Variants in RAB11FIP4 observed in about 807,000 individuals in gnomAD.
The protein encoded by RAB11FIP4 is RAB11 family interacting protein 4.
A neutral mutation model predicts 74.3 loss-of-function variants in RAB11FIP4; 23 were observed. That is an observed-to-expected ratio of 0.31 (90% CI 0.22 to 0.44). The LOEUF is 0.44. RAB11FIP4 is among the 20% of genes least tolerant of loss of function. The pLI is 1.00. For missense variants in RAB11FIP4, 630 were observed against 863.9 expected (o/e 0.73, Z 3.39); for synonymous variants, 360 against 359.9 (o/e 1.00, Z 0.00).
At chr17:31,424,730 C>T (rs2071231964) in intron 1 of RAB11FIP4, among the ~76,000 whole-genome samples, 1 of 152,086 alleles carries the variant, frequency 6.6e-6, no homozygotes, top group Non-Finnish European at 1.5e-5. Flanking sequence ...TGTACACCAC[C>T]ACACCCTGCC....
intron 2 of RAB11FIP4, 37 bp from the exon 3 acceptor site, chr17:31,433,997 A>G (rs1440623975): frequency 1.3e-6 from 2 of 1,545,602 alleles, no homozygotes; most frequent in Admixed American, 1.9e-5. Flanking sequence ...CTGAGGCTCA[A>G]CCCCTCACTG....
intron 3 of RAB11FIP4, among the ~76,000 whole-genome samples, chr17:31,465,314 A>T (rs2071673858): frequency 6.6e-6 from 1 of 151,980 alleles, no homozygotes; most frequent in Non-Finnish European, 1.5e-5. Context: ...GGCCCCATTG[A>T]CTAGCCCAGG....
intron 1 of RAB11FIP4, among the ~76,000 whole-genome samples, chr17:31,398,332 A>T (rs2070950566): frequency 6.6e-6 from 1 of 152,316 alleles, no homozygotes; most frequent in South Asian, 2.1e-4. Flanking sequence ...GAGCCACCAC[A>T]GCTGGCCTGT....
chr17:31,426,782 A>G (rs1448673009), intron 1 of RAB11FIP4, among the ~76,000 whole-genome samples: 1 of 151,494 alleles, frequency 6.6e-6, no homozygotes, highest in Admixed American at 6.6e-5. Context: ...TTGTATTTTT[A>G]GTAGAGACGG....
At chr17:31,427,922 C>T (rs2071269410) in intron 1 of RAB11FIP4, among the ~76,000 whole-genome samples, 1 of 152,152 alleles carries the variant, frequency 6.6e-6, no homozygotes, top group Non-Finnish European at 1.5e-5. Context: ...GGGGAGGGGG[C>T]AGCTGCAATG....
At chr17:31,423,211 G>T in intron 1 of RAB11FIP4, among the ~76,000 whole-genome samples, 1 of 152,096 alleles carries the variant, frequency 6.6e-6, no homozygotes, top group East Asian at 1.9e-4. Context: ...GAGCCACCGC[G>T]CCCAGCCTTT....
At chr17:31,422,735 T>C (rs2071211605) in intron 1 of RAB11FIP4, among the ~76,000 whole-genome samples, 1 of 152,188 alleles carries the variant, frequency 6.6e-6, no homozygotes, top group Non-Finnish European at 1.5e-5. Flanking sequence ...AGTTCTAAAA[T>C]TTCCATTTGG....
chr17:31,505,633 A>AATACATAATTATTATAATAG (rs2072329068), intron 3 of RAB11FIP4, among the ~76,000 whole-genome samples: 1 of 70,806 alleles, frequency 1.4e-5, no homozygotes, highest in African/African-American at 4.7e-5. Flanking sequence ...ATAATTATAT[A>AATACATAATTATTATAATAG]ATAATAATTA....
At chr17:31,466,037 G>T (rs576245045) in intron 3 of RAB11FIP4, among the ~76,000 whole-genome samples, 76 of 151,742 alleles carry the variant, frequency 5.0e-4, no homozygotes, top group Non-Finnish European at 9.6e-4. Context: ...CCAGCTACTC[G>T]GGAGGGCGAG....
At chr17:31,531,382 T>C (rs781656755) in intron 14 of RAB11FIP4, among the ~76,000 whole-genome samples, 2 of 152,136 alleles carry the variant, frequency 1.3e-5, no homozygotes, top group Non-Finnish European at 2.9e-5. Context: ...ACTGATCACA[T>C]TGGAATCTCT....
At chr17:31,527,753 A>G (rs550074586) in intron 10 of RAB11FIP4, 89 bp from the exon 11 acceptor site, 18 of 891,588 alleles carry the variant, frequency 2.0e-5, no homozygotes, top group Middle Eastern at 2.2e-4. Flanking sequence ...TTCCTCTGGG[A>G]GGAAGCAGAG....
intron 3 of RAB11FIP4, among the ~76,000 whole-genome samples, chr17:31,501,564 T>C (rs2142770206): frequency 6.6e-6 from 1 of 152,302 alleles, no homozygotes; most frequent in South Asian, 2.1e-4. Context: ...AGTCTGGCTC[T>C]GTTGCCCAGG....
chr17:31,458,573 G>A (rs959491536), intron 3 of RAB11FIP4, among the ~76,000 whole-genome samples: 12 of 152,160 alleles, frequency 7.9e-5, no homozygotes, highest in Non-Finnish European at 1.8e-4. Flanking sequence ...TCTCAGAATG[G>A]GCCTTCTCTG....
chr17:31,397,111 C>T (rs945137534), intron 1 of RAB11FIP4, among the ~76,000 whole-genome samples: 2 of 152,158 alleles, frequency 1.3e-5, no homozygotes, highest in African/African-American at 2.4e-5. Flanking sequence ...ACAGGAGCAC[C>T]TGGAACTAAA....
chr17:31,402,904 C>T (rs183360808), intron 1 of RAB11FIP4, among the ~76,000 whole-genome samples: 2,793 of 152,090 alleles, frequency 0.018, 86 homozygotes, highest in African/African-American at 0.064. Context: ...GGATTACAGG[C>T]GTGAGCCACC....
At chr17:31,483,801 A>C (rs552149369) in intron 3 of RAB11FIP4, among the ~76,000 whole-genome samples, 9 of 151,218 alleles carry the variant, frequency 6.0e-5, no homozygotes, top group Admixed American at 1.3e-4. Flanking sequence ...TCATGAAACC[A>C]TATATATATA....
intron 3 of RAB11FIP4, among the ~76,000 whole-genome samples, chr17:31,440,478 A>G (rs2071397471): frequency 6.6e-6 from 1 of 152,160 alleles, no homozygotes; most frequent in Admixed American, 6.5e-5. Context: ...TTGTTTCTTT[A>G]ACCTTTAAGG....
intron 3 of RAB11FIP4, among the ~76,000 whole-genome samples, chr17:31,484,072 T>C (rs1330718716): frequency 2.1e-4 from 3 of 14,252 alleles, no homozygotes; most frequent in African/African-American, 1.9e-3. Flanking sequence ...AGATCTTATC[T>C]TTTTTTTTTT....
chr17:31,536,891 G>C lies in RAB11FIP4; in HGVS notation c.*5159G>C, dbSNP rs944880148. ...CCCTGGGGAAGTATAATGTCACCAT[G>C]CTCACCAGGCGAGGTTTCCCATATG... is the stretch of plus-strand genomic sequence containing the variant. On this transcript the variant is annotated 3_prime_UTR_variant, in exon 15 of 15. Coordinates refer to ENST00000621161, the MANE Select transcript of RAB11FIP4 (RefSeq NM_032932.6). The C allele has an allele frequency of 5.0e-6, 2 of 398,144 alleles. No homozygotes were observed. The highest frequency in any genetic ancestry group is 4.1e-5 in the African/African-American group (2 of 48,604). The allele number at this position is 398,144 out of a possible 1,614,324, so 24.7% of individuals were successfully genotyped here.
Sources: allele counts gnomAD v4.1 joint callset (sites outside exome capture counted in the v4.1 genomes callset), GRCh38; gene constraint gnomAD v4.1.1; transcripts MANE v1.5; gene names NCBI Gene and HGNC (gene_info 2026-07-23, HGNC 2026-07-21).